CSMD1: variants seen among roughly 807,000 people sequenced by gnomAD.
CSMD1 encodes the protein CUB and sushi domain-containing protein 1.
Under a neutral mutation model 417.5 loss-of-function variants are expected in CSMD1, and 213 were observed. That is an observed-to-expected ratio of 0.51 (90% CI 0.46 to 0.57). The LOEUF (loss-of-function observed/expected upper bound fraction) is 0.57, where lower values mean the gene tolerates loss of function less well. Among genes scored for constraint, CSMD1 ranks in the 20% least tolerant of loss-of-function variants. The pLI, the probability that CSMD1 is intolerant of heterozygous loss-of-function variation, is 0.00. For synonymous variants in CSMD1, 2,862 were observed against 1,736.8 expected (o/e 1.65, Z -16.11); for missense variants, 6,923 against 4,529.7 (o/e 1.53, Z -15.17).
At chr8:3,270,975 C>A (rs547421831) in intron 26 of CSMD1, among the ~76,000 whole-genome samples, 2 of 151,424 alleles carry the variant, frequency 1.3e-5, no homozygotes, top group Admixed American at 1.3e-4. Context: ...ATGTGCACAA[C>A]GTACAGGTTA....
intron 3 of CSMD1, among the ~76,000 whole-genome samples, chr8:4,365,697 G>C (rs531603484): frequency 1.1e-4 from 16 of 152,152 alleles, no homozygotes; most frequent in Non-Finnish European, 2.1e-4. Context: ...CTCTGATCCA[G>C]CCTGAGACTT....
At chr8:4,951,890 A>G (rs947188692) in intron 1 of CSMD1, among the ~76,000 whole-genome samples, 3 of 151,852 alleles carry the variant, frequency 2.0e-5, no homozygotes, top group African/African-American at 7.2e-5. Context: ...GCTATAAAAT[A>G]TTAATGACAT....
At chr8:4,441,094 G>GTTTTTTTTTTTTTTT (rs1563176229) in intron 2 of CSMD1, among the ~76,000 whole-genome samples, 9 of 27,074 alleles carry the variant, frequency 3.3e-4, no homozygotes, top group Non-Finnish European at 6.6e-4. Context: ...TTAATCAAAA[G>GTTTTTTTTTTTTTTT]GTTTTTTTTT....
intron 3 of CSMD1, among the ~76,000 whole-genome samples, chr8:4,126,256 G>A (rs982873123): frequency 3.9e-5 from 6 of 152,074 alleles, no homozygotes; most frequent in Admixed American, 6.6e-5. Flanking sequence ...TCTCCCACAC[G>A]ACCGGCTCTG....
intron 46 of CSMD1, among the ~76,000 whole-genome samples, chr8:3,097,934 T>A (rs1348652809): frequency 6.6e-6 from 1 of 152,248 alleles, no homozygotes; most frequent in African/African-American, 2.4e-5. Context: ...ATGAAGATAC[T>A]ATGGATACAT....
At position 4,465,517 on chromosome 8, in the gene CSMD1, T is replaced by C. The variant is rs1239345359; in HGVS notation, c.303-45452A>G. ...CAAGAGGTGACTTAACAGTGGGGGA[T>C]ATGGAAGCACATACAACTCCACTCT... On this transcript the variant is annotated intron_variant, in intron 2 of 69. Transcript: ENST00000635120. 2.7e-5 allele frequency among the ~76,000 whole-genome samples: 4 copies of C among 150,252 alleles called. No individual in the cohort carries two copies. In the East Asian group the frequency reaches 5.8e-4, roughly 22 times the overall value.
At chr8:3,127,625 C>T (rs990638638) in intron 41 of CSMD1, 5 of 151,856 alleles carry the variant, frequency 3.3e-5, no homozygotes, top group Admixed American at 6.6e-5. Flanking sequence ...TTAACACATT[C>T]GATTATCTTT....
chr8:4,934,007 T>TAGAAA (rs1807433377), intron 1 of CSMD1, among the ~76,000 whole-genome samples: 1 of 150,616 alleles, frequency 6.6e-6, no homozygotes, highest in African/African-American at 2.4e-5. Flanking sequence ...GCTTTTTTTT[T>TAGAAA]AAAAAAAAAT....
chr8:4,613,516 A>G (rs1801302067), intron 2 of CSMD1, among the ~76,000 whole-genome samples: 1 of 152,194 alleles, frequency 6.6e-6, no homozygotes, highest in African/African-American at 2.4e-5. Context: ...GCAGGCTCTC[A>G]TCAGAGACCG....
chr8:4,094,164 C>T (rs1429591021), intron 3 of CSMD1, among the ~76,000 whole-genome samples: 18 of 151,976 alleles, frequency 1.2e-4, no homozygotes, highest in African/African-American at 3.9e-4. Context: ...GCCGTGCACA[C>T]GAATGTGGTG....
intron 1 of CSMD1, among the ~76,000 whole-genome samples, chr8:4,875,225 A>G (rs1284957231): frequency 6.6e-6 from 1 of 152,056 alleles, no homozygotes; most frequent in African/African-American, 2.4e-5. Flanking sequence ...AAGGAAAATA[A>G]GCATGAGAAT....
intron 26 of CSMD1, among the ~76,000 whole-genome samples, chr8:3,249,878 T>C (rs1364559480): frequency 6.6e-6 from 1 of 152,174 alleles, no homozygotes; most frequent in Non-Finnish European, 1.5e-5. Flanking sequence ...TGTTTAGAAA[T>C]GGATCGAAAA....
chr8:4,419,509 A>C (rs1434461253), intron 3 of CSMD1, among the ~76,000 whole-genome samples: 1 of 152,174 alleles, frequency 6.6e-6, no homozygotes, highest in Non-Finnish European at 1.5e-5. Context: ...GTAAAAGCAA[A>C]TTAATTTTCT....
intron 2 of CSMD1, among the ~76,000 whole-genome samples, chr8:4,481,797 G>T (rs1801113705): frequency 6.6e-6 from 1 of 152,044 alleles, no homozygotes; most frequent in African/African-American, 2.4e-5. Flanking sequence ...AGCACATAAT[G>T]GGATTAACTT....
intron 2 of CSMD1, among the ~76,000 whole-genome samples, chr8:4,501,917 T>G (rs1218458688): frequency 6.6e-6 from 1 of 151,884 alleles, no homozygotes; most frequent in Non-Finnish European, 1.5e-5. Context: ...CTACTGGGGG[T>G]TTTGGAACAT....
intron 43 of CSMD1, among the ~76,000 whole-genome samples, chr8:3,109,461 G>A (rs764761539): frequency 1.2e-4 from 18 of 151,960 alleles, no homozygotes; most frequent in Non-Finnish European, 2.2e-4. Flanking sequence ...ACTGACTCTG[G>A]TCGTTGTCAT....
intron 37 of CSMD1, among the ~76,000 whole-genome samples, chr8:3,169,218 T>A (rs1405274467): frequency 6.6e-6 from 1 of 152,124 alleles, no homozygotes; most frequent in Non-Finnish European, 1.5e-5. Flanking sequence ...CCCCAAACAG[T>A]ACAGCCCTGT....
intron 6 of CSMD1, among the ~76,000 whole-genome samples, chr8:3,740,461 C>A (rs567625797): frequency 3.3e-5 from 5 of 152,286 alleles, no homozygotes; most frequent in African/African-American, 1.2e-4. Flanking sequence ...TGCAGGAGAA[C>A]TCAGAAGTGG....
intron 23 of CSMD1, among the ~76,000 whole-genome samples, chr8:3,342,836 G>A (rs533887163): frequency 6.7e-6 from 1 of 148,512 alleles, no homozygotes; most frequent in South Asian, 2.1e-4. Context: ...TACATATTAT[G>A]TAGTTGTTGT....
Sources: gnomAD v4.1 joint callset for allele counts (sites outside exome capture counted in the v4.1 genomes callset) on GRCh38, gnomAD v4.1.1 for gene constraint, MANE v1.5 for transcripts, NCBI Gene and HGNC (gene_info 2026-07-23, HGNC 2026-07-21) for gene names.